CDKL3: variants seen among roughly 807,000 people sequenced by gnomAD.
CDKL3 encodes the protein cyclin-dependent kinase-like 3.
Under a neutral mutation model 69.3 loss-of-function variants are expected in CDKL3, and 65 were observed. That is an observed-to-expected ratio of 0.94 (90% CI 0.77 to 1.15). CDKL3 has a LOEUF of 1.15. Among genes scored for constraint, CDKL3 ranks in the 50% most tolerant of loss-of-function variants. The pLI is 0.00. For missense variants in CDKL3, 652 were observed against 689.2 expected, an observed-to-expected ratio of 0.95 and a Z score of 0.61; for synonymous variants, 202 against 221.6, an observed-to-expected ratio of 0.91 and a Z score of 0.79.
Position 134,354,422 on chromosome 5 carries a change from T to A in CDKL3, c.361-3995A>T, listed in dbSNP as rs190507406. On this transcript the variant is annotated intron_variant, in intron 3 of 12. Transcript: ENST00000265334. ...TCCTTGTTTATACAACTTACTACCATAAATCTTTGAGACTGGCTCTTGTTT... is the reference window on the plus strand; with the variant it reads ...TCCTTGTTTATACAACTTACTACCAAAAATCTTTGAGACTGGCTCTTGTTT... 3.2e-3 allele frequency among the ~76,000 whole-genome samples: 485 copies of A among 152,332 alleles called. 15 individuals carry two copies. The highest frequency in any genetic ancestry group is 2.5e-3 in the East Asian group (13 of 5,190).
chr5:134,369,960 A>G (rs978905197), upstream of CDKL3, among the ~76,000 whole-genome samples: 1 of 152,208 alleles, frequency 6.6e-6, no homozygotes, highest in Non-Finnish European at 1.5e-5. Context: ...GAAAGGCAAA[A>G]AAATTAAGAA....
At chr5:134,339,909 G>T (rs182155165) in intron 4 of CDKL3, among the ~76,000 whole-genome samples, 1 of 152,104 alleles carries the variant, frequency 6.6e-6, no homozygotes, top group Admixed American at 6.5e-5. Flanking sequence ...CAAAACTATG[G>T]GAAGCAGAGA....
At chr5:134,319,566 T>C in intron 5 of CDKL3, 69 bp from the exon 6 acceptor site, 1 of 1,269,032 alleles carries the variant, frequency 7.9e-7, no homozygotes, top group Non-Finnish European at 1.1e-6. Context: ...ATCAAATTGC[T>C]ATGTCATCTA....
intron 4 of CDKL3, among the ~76,000 whole-genome samples, chr5:134,338,461 A>C (rs1252370580): frequency 6.6e-6 from 1 of 152,084 alleles, no homozygotes; most frequent in Non-Finnish European, 1.5e-5. Flanking sequence ...AGGCTGAGGC[A>C]GGAGAATCAC....
At chr5:134,328,894 C>G (rs1775055266) in intron 4 of CDKL3, among the ~76,000 whole-genome samples, 2 of 152,286 alleles carry the variant, frequency 1.3e-5, no homozygotes, top group South Asian at 2.1e-4. Flanking sequence ...ACGCCTATAT[C>G]TAGCAAAGAT....
chr5:134,342,365 G>A (rs997364679), intron 4 of CDKL3, among the ~76,000 whole-genome samples: 4 of 151,932 alleles, frequency 2.6e-5, no homozygotes, highest in East Asian at 3.9e-4. Context: ...TTGGGAGGCC[G>A]AGGCAGGTGG....
upstream of CDKL3, among the ~76,000 whole-genome samples, chr5:134,369,057 A>G (rs1362172181): frequency 2.0e-5 from 3 of 152,192 alleles, no homozygotes; most frequent in Non-Finnish European, 4.4e-5. Flanking sequence ...CAGGACAAAG[A>G]TGAACCAAAC....
Position 134,298,703 on chromosome 5 carries a change from T to C in CDKL3, c.1727A>G (p.Asp576Gly), listed in dbSNP as rs772139300. 6.2e-7 allele frequency: 1 copy of C among 1,612,174 alleles called. No homozygotes were observed. The highest frequency in any genetic ancestry group is 8.5e-7 in the Non-Finnish European group (1 of 1,178,848). Residue 576 changes from aspartate (D) to glycine (G), a missense_variant, in exon 13 of 13, where the codon GAT becomes GGT. Asp to Gly is a moderately conservative substitution (Grantham distance 94). Transcript: ENST00000265334. Reference sequence around the variant, plus strand: ...CAAATTCTTCCCCTCGCAATGGCCATCTCCACCCTAAAATTAGAAACCAAG... The same window carrying C: ...CAAATTCTTCCCCTCGCAATGGCCACCTCCACCCTAAAATTAGAAACCAAG... ...DQNQEKQEGG[D>G]GHCEGKNLKR...
chr5:134,306,749 G>GATTTTTTT, intron 9 of CDKL3, 47 bp from the exon 10 acceptor site: 1 of 291,426 alleles, frequency 3.4e-6, no homozygotes. Flanking sequence ...CCCCAGAAAT[G>GATTTTTTT]CTTTTTTTTT....
At chr5:134,333,292 T>C (rs1257310883) in intron 4 of CDKL3, among the ~76,000 whole-genome samples, 2 of 152,236 alleles carry the variant, frequency 1.3e-5, no homozygotes, top group South Asian at 2.1e-4. Context: ...CTTTTCCTAA[T>C]TGAATACCCT....
intron 3 of CDKL3, among the ~76,000 whole-genome samples, chr5:134,358,900 T>C (rs891314397): frequency 1.3e-5 from 2 of 152,108 alleles, no homozygotes; most frequent in African/African-American, 4.8e-5. Flanking sequence ...AGGTGTGAGC[T>C]ACTATAGCCA....
downstream of CDKL3, among the ~76,000 whole-genome samples, chr5:134,293,902 G>A (rs140437702): frequency 6.6e-6 from 1 of 152,220 alleles, no homozygotes; most frequent in Non-Finnish European, 1.5e-5. Context: ...GAGGCCAGGA[G>A]TTTAAGACCA....
upstream of CDKL3, among the ~76,000 whole-genome samples, chr5:134,369,563 C>A (rs749744784): frequency 1.3e-5 from 2 of 150,722 alleles, no homozygotes; most frequent in Non-Finnish European, 3.0e-5. Context: ...TCAGTGACTG[C>A]CTTGACTGAT....
At chr5:134,354,002 C>T (rs538613487) in intron 3 of CDKL3, among the ~76,000 whole-genome samples, 1 of 152,276 alleles carries the variant, frequency 6.6e-6, no homozygotes, top group African/African-American at 2.4e-5. Flanking sequence ...ATATTAGTTT[C>T]CCGATTTGCC....
chr5:134,306,586 T>C, intron 10 of CDKL3, 23 bp downstream of exon 10: 1 of 1,353,564 alleles, frequency 7.4e-7, no homozygotes, highest in Middle Eastern at 1.8e-4. Flanking sequence ...GGCCATATTT[T>C]AATGTGTAGC....
chr5:134,360,857 C>A (rs1308509917), intron 2 of CDKL3, among the ~76,000 whole-genome samples: 1 of 152,032 alleles, frequency 6.6e-6, no homozygotes, highest in Non-Finnish European at 1.5e-5. Flanking sequence ...AGAAAGTAAA[C>A]CATAAGTTCT....
intron 3 of CDKL3, among the ~76,000 whole-genome samples, chr5:134,352,810 T>C (rs1226091878): frequency 6.6e-6 from 1 of 152,166 alleles, no homozygotes; most frequent in African/African-American, 2.4e-5. Flanking sequence ...GAGTTCCTTA[T>C]ATATTCTAGA....
At chr5:134,355,447 C>A (rs113097821) in intron 3 of CDKL3, among the ~76,000 whole-genome samples, 1 of 151,986 alleles carries the variant, frequency 6.6e-6, no homozygotes, top group African/African-American at 2.4e-5. Flanking sequence ...CAGAAGTAAA[C>A]TAGGAAAGAG....
Position 134,337,471 on chromosome 5 carries a change from A to G in CDKL3, c.539+12778T>C, listed in dbSNP as rs529187220. ...GGAGCTGTAGACCGGAGATATTCCTATTGGGCCATCTTGGTGTTTTCTCAC... is the reference window on the plus strand; with the variant it reads ...GGAGCTGTAGACCGGAGATATTCCTGTTGGGCCATCTTGGTGTTTTCTCAC... On this transcript the variant is annotated intron_variant, in intron 4 of 12. Transcript: ENST00000265334. Among the ~76,000 whole-genome samples, 29 of 152,262 alleles carry G rather than the reference A, an allele frequency of 1.9e-4. No homozygotes were observed. In the South Asian group the frequency reaches 5.8e-3, roughly 30 times the overall value.
Sources: allele counts gnomAD v4.1 joint callset (sites outside exome capture counted in the v4.1 genomes callset), GRCh38; gene constraint gnomAD v4.1.1; transcripts MANE v1.5; gene names NCBI Gene and HGNC (gene_info 2026-07-23, HGNC 2026-07-21).